CLASRP: variants seen among roughly 807,000 people sequenced by gnomAD.
CLASRP encodes CLK4-associating serine/arginine rich protein.
CLASRP carries 52 observed loss-of-function variants against 99.9 expected under a neutral mutation model. That is an observed-to-expected ratio of 0.52 (90% CI 0.42 to 0.66). The LOEUF (loss-of-function observed/expected upper bound fraction) is 0.66. CLASRP is among the 30% of genes least tolerant of loss of function. CLASRP has a pLI of 0.00. For synonymous variants in CLASRP, 379 were observed against 373.0 expected, an observed-to-expected ratio of 1.02 and a Z score of -0.18; for missense variants, 848 against 999.2, an observed-to-expected ratio of 0.85 and a Z score of 2.04.
In CLASRP at chr19:45,052,807, G is replaced by A. The variant is rs1261139126; in HGVS notation, c.214G>A (p.Asp72Asn). 1 of 1,612,498 alleles carries A rather than the reference G, an allele frequency of 6.2e-7. No individual in the cohort carries two copies. ...CCACTTCAGGATGCCCTGGCAGGGG[G>A]ACACCAACAACATGATTGACCGATT... ...SPVNMMPWQGDTNNMIDRFDV... is the reference protein window; with the variant it reads ...SPVNMMPWQGNTNNMIDRFDV... Residue 72 changes from aspartate (D) to asparagine (N), a missense_variant, in exon 4 of 21, where the codon GAC becomes AAC. By Grantham distance (23) the Asp-to-Asn change is conservative. Around this residue, in one of 8 missense-constraint regions of CLASRP, gnomAD observed 46 missense variants for 96.8 expected, o/e 0.48. Transcript: ENST00000221455.
Position 45,059,293 on chromosome 19 carries a change from G to A in CLASRP, c.639G>A (p.Leu213=). ...ACGTGGAGGTGGACGTGGATGAATT[G>A]AACCAGGAGCAGGTGGCAGATCTCA... ...DIDVEVDVDE[L]NQEQVADLNK... The change falls in exon 8 of 21, where the codon TTG becomes TTA. Residue 213 remains leucine, a synonymous_variant. Transcript: ENST00000221455. 2 of 1,610,816 alleles carry A rather than the reference G, an allele frequency of 1.2e-6. No individual in the cohort carries two copies. The highest frequency in any genetic ancestry group is 1.1e-5 in the South Asian group (1 of 90,316).
At chr19:45,047,422 A>AC (rs1277963600) in intron 2 of CLASRP, 1 of 151,396 alleles carries the variant, frequency 6.6e-6, no homozygotes, top group Non-Finnish European at 1.5e-5. Context: ...AAAAAAAAAA[A>AC]AAAAAAAAAC....
chr19:45,070,304 T>TACACACACACAC (rs147314692), intron 19 of CLASRP, among the ~76,000 whole-genome samples, 200 bp downstream of exon 19: 16 of 150,826 alleles, frequency 1.1e-4, no homozygotes, highest in African/African-American at 3.6e-4. Flanking sequence ...CACACATACG[T>TACACACACACAC]ACACACACAC....
intron 2 of CLASRP, among the ~76,000 whole-genome samples, chr19:45,048,994 A>G (rs1363131963): frequency 1.3e-5 from 2 of 152,218 alleles, no homozygotes; most frequent in African/African-American, 4.8e-5. Context: ...TCAAAAAAAG[A>G]AAAAGAATAG....
Position 45,059,255 on chromosome 19 carries a change from T to A in CLASRP, c.614-13T>A, listed in dbSNP as rs60962959. The A allele has an allele frequency of 1.2e-6, 2 of 1,605,246 alleles. No homozygotes were observed. The highest frequency in any genetic ancestry group is 3.4e-5 in the Admixed American group (2 of 58,702). On this transcript the variant is annotated splice_polypyrimidine_tract_variant and intron_variant, in intron 7 of 20. Coordinates refer to ENST00000221455, the MANE Select transcript of CLASRP (RefSeq NM_007056.3). Reference sequence around the variant, plus strand: ...CTCGGCCGTGGCTCCTGACAGCCTTTCTCTTGGTGCAGACGTGGAGGTGGA... The same window carrying A: ...CTCGGCCGTGGCTCCTGACAGCCTTACTCTTGGTGCAGACGTGGAGGTGGA...
chr19:45,064,596 C>G lies in CLASRP; in HGVS notation c.1375C>G (p.Arg459Gly). Residue 459 changes from arginine to glycine, a missense_variant, in exon 13 of 21, where the codon CGG becomes GGG. Around this residue, in one of 8 missense-constraint regions of CLASRP, gnomAD observed 489 missense variants for 434.7 expected, o/e 1.12. Coordinates refer to ENST00000221455, the MANE Select transcript of CLASRP (RefSeq NM_007056.3). ...DGHRYSRSPA[R>G]RGGYGPRRRS... ...ACACCGGTACTCCCGCTCGCCCGCCCGGCGTGGTGGTTACGGGCCCCGGCG... is the reference window on the plus strand; with the variant it reads ...ACACCGGTACTCCCGCTCGCCCGCCGGGCGTGGTGGTTACGGGCCCCGGCG... 1.9e-6 allele frequency: 3 copies of G among 1,549,004 alleles called. No homozygotes were observed. Among genetic ancestry groups the G allele is most frequent in the South Asian group, 1.2e-5 (1 of 84,868 alleles).
In CLASRP at chr19:45,069,224, C is replaced by T; in HGVS notation, c.1850C>T (p.Ala617Val). 6.2e-7 allele frequency: 1 copy of T among 1,613,900 alleles called. No homozygotes were observed. The highest frequency in any genetic ancestry group is 2.2e-5 in the East Asian group (1 of 44,878). Residue 617 changes from alanine to valine, a missense_variant, in exon 18 of 21, where the codon GCC becomes GTC. Ala to Val is a moderately conservative substitution (Grantham distance 64, BLOSUM62 0). Transcript: ENST00000221455. Reference sequence around the variant, plus strand: ...CAGGAGCGGGAAGACGAGCTTCGAGCCATGGCCCGCAAGATCCGCATGAAG... The same window carrying T: ...CAGGAGCGGGAAGACGAGCTTCGAGTCATGGCCCGCAAGATCCGCATGAAG... ...ERQEREDELR[A>V]MARKIRMKER... is the part of the protein sequence containing the mutation.
At chr19:45,051,549 G>C (rs1221872280) in intron 2 of CLASRP, among the ~76,000 whole-genome samples, 1 of 152,080 alleles carries the variant, frequency 6.6e-6, no homozygotes, top group Admixed American at 6.6e-5. Context: ...CAGATGACCT[G>C]CCTGCCTTGG....
Position 45,069,243 on chromosome 19 carries a change from C to A in CLASRP, c.1869C>A (p.Arg623=), listed in dbSNP as rs1967176525. The change falls in exon 18 of 21, where the codon CGC becomes CGA. Residue 623 remains arginine (R), a synonymous_variant. Coordinates refer to ENST00000221455, the MANE Select transcript of CLASRP (RefSeq NM_007056.3). Reference sequence around the variant, plus strand: ...TTCGAGCCATGGCCCGCAAGATCCGCATGAAGTAAGACCTTGCCCCTCCCT... The same window carrying A: ...TTCGAGCCATGGCCCGCAAGATCCGAATGAAGTAAGACCTTGCCCCTCCCT... The part of the protein sequence containing the change: ...DELRAMARKI[R]MKERERREKE... 1 of 1,613,398 alleles carries A rather than the reference C, an allele frequency of 6.2e-7. No individual in the cohort carries two copies. Among genetic ancestry groups the A allele is most frequent in the South Asian group, 1.1e-5 (1 of 91,054 alleles).
chr19:45,045,332 A>T (rs1668163365), intron 2 of CLASRP, among the ~76,000 whole-genome samples: 1 of 152,170 alleles, frequency 6.6e-6, no homozygotes, highest in African/African-American at 2.4e-5. Context: ...CCTGGACAAC[A>T]TGGTGAAACC....
chr19:45,069,849 C>T (rs769207481), intron 18 of CLASRP, 173 bp from the exon 19 acceptor site: 9 of 581,546 alleles, frequency 1.5e-5, no homozygotes, highest in African/African-American at 3.8e-5. Flanking sequence ...CAGTCAGCCC[C>T]GCCAGCTGGG....
Position 45,059,282 on chromosome 19 carries a change from G to T in CLASRP, c.628G>T (p.Val210Leu). 6.2e-7 allele frequency: 1 copy of T among 1,610,502 alleles called. No individual in the cohort carries two copies. Among genetic ancestry groups the T allele is most frequent in the Non-Finnish European group, 8.5e-7 (1 of 1,178,380 alleles). Residue 210 changes from valine (V) to leucine (L), a missense_variant, in exon 8 of 21, where the codon GTG (valine) becomes TTG (leucine). Val to Leu is a conservative substitution (Grantham distance 32). This residue lies in a region of CLASRP where 119 missense variants were observed against 170.2 expected (regional missense o/e 0.70). Coordinates refer to ENST00000221455, the MANE Select transcript of CLASRP (RefSeq NM_007056.3). ...VIPDIDVEVDVDELNQEQVAD... is the reference protein window; with the variant it reads ...VIPDIDVEVDLDELNQEQVAD... ...TCTTGGTGCAGACGTGGAGGTGGAC[G>T]TGGATGAATTGAACCAGGAGCAGGT...
At chr19:45,066,057 C>T (rs1235382122) in intron 13 of CLASRP, among the ~76,000 whole-genome samples, 1 of 152,176 alleles carries the variant, frequency 6.6e-6, no homozygotes, top group Non-Finnish European at 1.5e-5. Flanking sequence ...GGTCTAGTGT[C>T]ACCCAGTCTT....
chr19:45,064,004 A>T lies in CLASRP; in HGVS notation c.906-8A>T. On this transcript the variant is annotated splice_polypyrimidine_tract_variant and splice_region_variant and intron_variant, in intron 11 of 20. Coordinates refer to ENST00000221455, the MANE Select transcript of CLASRP (RefSeq NM_007056.3). ...TGAGCTAGTGAGCCTCCTCCTCCCT[A>T]CCCGCAGGTCACCCTCGGAGTCCAG... The T allele has an allele frequency of 6.2e-7, 1 of 1,602,658 alleles. No individual in the cohort carries two copies. The highest frequency in any genetic ancestry group is 2.3e-5 in the East Asian group (1 of 44,442).
chr19:45,068,165 A>G, intron 15 of CLASRP, 111 bp downstream of exon 15: 1 of 897,930 alleles, frequency 1.1e-6, no homozygotes, highest in Non-Finnish European at 1.8e-6. Context: ...ATCCAGCCCC[A>G]GGGACAGGGA....
chr19:45,054,736 G>A (rs899076539), intron 5 of CLASRP, among the ~76,000 whole-genome samples: 10 of 152,138 alleles, frequency 6.6e-5, no homozygotes, highest in African/African-American at 2.2e-4. Flanking sequence ...TTCTCTGCTG[G>A]GTTTGTCCCT....
At position 45,069,206 on chromosome 19, in the gene CLASRP, G is replaced by T; in HGVS notation, c.1832G>T (p.Arg611Leu). Reference sequence around the variant, plus strand: ...TCATAGCCCTGTCTGCTGCAGGAGCGGGAAGACGAGCTTCGAGCCATGGCC... The same window carrying T: ...TCATAGCCCTGTCTGCTGCAGGAGCTGGAAGACGAGCTTCGAGCCATGGCC... Reference protein sequence around the residue: ...MIQQEHERQEREDELRAMARK... With the variant: ...MIQQEHERQELEDELRAMARK... The change falls in exon 18 of 21, where the codon CGG (arginine) becomes CTG (leucine). Residue 611 changes from arginine (R) to leucine (L), a missense_variant. Physicochemically the swap from Arg to Leu is moderately radical, Grantham distance 102 (BLOSUM62 -2). Coordinates refer to ENST00000221455, the MANE Select transcript of CLASRP (RefSeq NM_007056.3). 6.2e-7 allele frequency: 1 copy of T among 1,614,006 alleles called. No individual in the cohort carries two copies. Among genetic ancestry groups the T allele is most frequent in the Non-Finnish European group, 8.5e-7 (1 of 1,180,000 alleles).
intron 7 of CLASRP, 154 bp downstream of exon 7, chr19:45,058,052 A>T (rs1972155140): frequency 1.2e-6 from 1 of 865,230 alleles, no homozygotes; most frequent in African/African-American, 1.7e-5. Context: ...CCCCTGTCTC[A>T]CTCCTGTCCT....
intron 15 of CLASRP, 129 bp from the exon 16 acceptor site, chr19:45,068,291 C>G (rs1967140273): frequency 1.5e-6 from 1 of 669,534 alleles, no homozygotes; most frequent in Admixed American, 2.2e-5. Context: ...CACAGCCTGC[C>G]CCTCCTCCCC....
Sources: allele counts gnomAD v4.1 joint callset (sites outside exome capture counted in the v4.1 genomes callset), GRCh38; gene constraint gnomAD v4.1.1; regional missense constraint gnomAD v4.1.1; transcripts MANE v1.5; gene names NCBI Gene and HGNC (gene_info 2026-07-23, HGNC 2026-07-21).